Variants in MFSD6 observed in about 807,000 individuals in gnomAD.
The protein encoded by MFSD6 is major facilitator superfamily domain containing 6.
Under a neutral mutation model 56.3 loss-of-function variants are expected in MFSD6, and 26 were observed. The ratio of observed to expected loss-of-function variants is 0.46; its 90% CI spans 0.34 to 0.64. The LOEUF (loss-of-function observed/expected upper bound fraction) is 0.64, where lower values mean the gene tolerates loss of function less well. MFSD6 is among the 30% of genes least tolerant of loss of function. The probability of loss-of-function intolerance (pLI) is 0.01; values close to 1 mark genes in which losing one functional copy is unlikely to be tolerated. For synonymous variants in MFSD6, 331 were observed against 366.9 expected, an observed-to-expected ratio of 0.90 and a Z score of 1.12; for missense variants, 750 against 986.2, an observed-to-expected ratio of 0.76 and a Z score of 3.21.
At chr2:190,475,291 G>A (rs1214010453) in intron 4 of MFSD6, among the ~76,000 whole-genome samples, 1 of 152,208 alleles carries the variant, frequency 6.6e-6, no homozygotes, top group African/African-American at 2.4e-5. Context: ...GTTTGCAGAT[G>A]ACATGATTGT....
chr2:190,501,053 T>C lies in MFSD6; in HGVS notation c.*835T>C, dbSNP rs1574278528. 6.6e-6 allele frequency: 1 copy of C among 152,354 alleles called. No individual in the cohort carries two copies. Among genetic ancestry groups the C allele is most frequent in the East Asian group, 1.9e-4 (1 of 5,188 alleles). The allele number at this position is 152,354 out of a possible 1,614,324, so 9.4% of individuals were successfully genotyped here. Reference sequence around the variant, plus strand: ...TGATACTGTAAATAGCCTCTCTCGCTATTTACTATCTTATAGTAATTCAGG... The same window carrying C: ...TGATACTGTAAATAGCCTCTCTCGCCATTTACTATCTTATAGTAATTCAGG... On this transcript the variant is annotated 3_prime_UTR_variant, in exon 8 of 8. Coordinates refer to ENST00000392328, the MANE Select transcript of MFSD6 (RefSeq NM_017694.4).
At chr2:190,449,981 T>A (rs993274303) in intron 3 of MFSD6, among the ~76,000 whole-genome samples, 3 of 152,010 alleles carry the variant, frequency 2.0e-5, no homozygotes, top group African/African-American at 7.3e-5. Context: ...AACCTGCACA[T>A]TGTGCACGTG....
rs1209490232 is a variant in MFSD6 at position 190,495,596 on chromosome 2, T to C, written c.1892-1843T>C. Among the ~76,000 whole-genome samples the C allele has an allele frequency of 6.6e-6, 1 of 152,124 alleles. No individual in the cohort carries two copies. The highest frequency in any genetic ancestry group is 2.4e-5 in the African/African-American group (1 of 41,438). On this transcript the variant is annotated intron_variant, in intron 6 of 7. Transcript: ENST00000392328. The surrounding 1 kb of genome is among the most constrained non-coding windows in gnomAD (Gnocchi z 4.7). ...GGCATCACACTACCTGATTTCAAAC[T>C]ATACTATAAGGCCATAGTCACCAAA...
rs1232909228 is a variant in MFSD6, at chr2:190,439,450, T to C, written c.1532+1889T>C. ...TTGTTGCATGTGTATAGATAGGTTC[T>C]ATTTTCAAAGGAATTGTTAGGTTAT... On this transcript the variant is annotated intron_variant, in intron 3 of 7. Transcript: ENST00000392328. The surrounding 1 kb of genome is among the most constrained non-coding windows in gnomAD (Gnocchi z 5.8). Among the ~76,000 whole-genome samples the C allele has an allele frequency of 6.6e-6, 1 of 152,210 alleles. No individual in the cohort carries two copies. The highest frequency in any genetic ancestry group is 2.4e-5 in the African/African-American group (1 of 41,456).
chr2:190,472,981 A>G (rs1157592699), intron 4 of MFSD6, among the ~76,000 whole-genome samples: 1 of 152,236 alleles, frequency 6.6e-6, no homozygotes, highest in African/African-American at 2.4e-5. Flanking sequence ...ATATCCAGCC[A>G]AACTAAGCTT....
intron 2 of MFSD6, among the ~76,000 whole-genome samples, chr2:190,419,778 A>G (rs896266620): frequency 1.4e-4 from 21 of 152,250 alleles, no homozygotes; most frequent in African/African-American, 4.1e-4. Context: ...CCTCTCATCA[A>G]TAATTCAGAA....
chr2:190,468,362 A>G (rs578054207), intron 3 of MFSD6, among the ~76,000 whole-genome samples: 4 of 151,326 alleles, frequency 2.6e-5, no homozygotes, highest in East Asian at 3.9e-4. Flanking sequence ...TTTCTTTTCC[A>G]TATGTGAGAT....
chr2:190,412,557 T>G lies in MFSD6; in HGVS notation c.-175-2735T>G, dbSNP rs1229178722. On this transcript the variant is annotated intron_variant, in intron 1 of 7. Coordinates refer to ENST00000392328, the MANE Select transcript of MFSD6 (RefSeq NM_017694.4). This position sits in a 1 kb window ranked among gnomAD's most constrained non-coding sequence, Gnocchi z 4.1. ...CCTTGGGCATAGCATTTTTGATTCC[T>G]GGGAAAAGCAAACAAACACATCTGA... 6 of 985,306 alleles carry G rather than the reference T, an allele frequency of 6.1e-6. No individual in the cohort carries two copies. The African/African-American group carries it at 1.0e-4, about 17-fold the overall frequency. The allele number at this position is 985,306 out of a possible 1,614,324, so 61.0% of individuals were successfully genotyped here. A position where few individuals can be genotyped will look rare whatever the true frequency, so the allele number is the denominator to read the frequency against.
In MFSD6 at chr2:190,436,280, C is replaced by G. The variant is rs1686174173; in HGVS notation, c.251C>G (p.Ser84Cys). ...FYFFFYSAYG[S>C]LYPLLPVYYK... ...TTTTTCTTTTACTCTGCCTATGGCT[C>G]TCTCTATCCCCTTTTGCCTGTGTAT... is the stretch of plus-strand genomic sequence containing the variant. Residue 84 changes from serine to cysteine, a missense_variant, in exon 3 of 8, where the codon TCT (serine) becomes TGT (cysteine). By Grantham distance (112) the Ser-to-Cys change is moderately radical. This residue lies in a region of MFSD6 where 76 missense variants were observed against 101.9 expected (regional missense o/e 0.75). Transcript: ENST00000392328. The surrounding 1 kb of genome is among the most constrained non-coding windows in gnomAD (Gnocchi z 5.3). The G allele has an allele frequency of 1.2e-6, 2 of 1,613,904 alleles. No homozygotes were observed. Among genetic ancestry groups the G allele is most frequent in the Non-Finnish European group, 1.7e-6 (2 of 1,179,902 alleles).
chr2:190,440,659 T>C (rs796315507), intron 3 of MFSD6, among the ~76,000 whole-genome samples: 3 of 152,364 alleles, frequency 2.0e-5, no homozygotes, highest in African/African-American at 7.2e-5. Context: ...GATTTAAATT[T>C]ATTTACATTT....
In MFSD6 at chr2:190,491,419, G is replaced by A. The variant is rs1689345922; in HGVS notation, c.1891+1553G>A. On this transcript the variant is annotated intron_variant, in intron 6 of 7. Coordinates refer to ENST00000392328, the MANE Select transcript of MFSD6 (RefSeq NM_017694.4). The surrounding 1 kb of genome is among the most constrained non-coding windows in gnomAD (Gnocchi z 4.2). Reference sequence around the variant, plus strand: ...GAAGCATATTGCTCCTGGAGGACCTGAGAGACAGGCCAAATATTGGGCTGG... The same window carrying A: ...GAAGCATATTGCTCCTGGAGGACCTAAGAGACAGGCCAAATATTGGGCTGG... Among the ~76,000 whole-genome samples, 2 of 152,196 alleles carry A rather than the reference G, an allele frequency of 1.3e-5. No homozygotes were observed. Among genetic ancestry groups the A allele is most frequent in the Non-Finnish European group, 2.9e-5 (2 of 68,032 alleles).
Position 190,499,697 on chromosome 2 carries a change from G to A in MFSD6, c.2173-318G>A. The A allele has an allele frequency of 2.0e-6, 2 of 976,966 alleles. No individual in the cohort carries two copies. The highest frequency in any genetic ancestry group is 2.8e-6 in the Non-Finnish European group (2 of 710,064). 60.5% of individuals were successfully genotyped at this position (976,966 alleles called of 1,614,324 possible). A position where few individuals can be genotyped will look rare whatever the true frequency, so the allele number is the denominator to read the frequency against. On this transcript the variant is annotated intron_variant, in intron 7 of 7. Transcript: ENST00000392328. The surrounding 1 kb of genome is among the most constrained non-coding windows in gnomAD (Gnocchi z 6.0). ...GTGCTTGCCCAGCGACTTGCCACAT[G>A]GCTTGGGGGGCTCAGTAAATATTTG...
At position 190,439,465 on chromosome 2, in the gene MFSD6, TGTTAG is replaced by T. The variant is rs1686295898; in HGVS notation, c.1532+1909_1532+1913del. On this transcript the variant is annotated intron_variant, in intron 3 of 7. Coordinates refer to ENST00000392328, the MANE Select transcript of MFSD6 (RefSeq NM_017694.4). This position sits in a 1 kb window ranked among gnomAD's most constrained non-coding sequence, Gnocchi z 5.8. The stretch of plus-strand genomic sequence containing the variant: ...AGATAGGTTCTATTTTCAAAGGAAT[TGTTAG>T]GTTATTTCCACATGCTAAGAAAAGA... Among the ~76,000 whole-genome samples the T allele has an allele frequency of 6.6e-6, 1 of 152,142 alleles. No individual in the cohort carries two copies. The highest frequency in any genetic ancestry group is 1.5e-5 in the Non-Finnish European group (1 of 68,020).
At chr2:190,411,874 G>T (rs2124978522) in intron 1 of MFSD6, 1 of 985,374 alleles carries the variant, frequency 1.0e-6, no homozygotes, top group East Asian at 1.1e-4. Flanking sequence ...GATTAGGGGT[G>T]ATAAGAATTT....
chr2:190,438,469 T>G lies in MFSD6; in HGVS notation c.1532+908T>G, dbSNP rs1242248197. Among the ~76,000 whole-genome samples, 1 of 152,160 alleles carries G rather than the reference T, an allele frequency of 6.6e-6. No individual in the cohort carries two copies. The highest frequency in any genetic ancestry group is 2.4e-5 in the African/African-American group (1 of 41,434). Reference sequence around the variant, plus strand: ...AGGCAGAGGTTGCAGTGAGTCAAGATCACACCACTGCACACCAGCCTGGGC... The same window carrying G: ...AGGCAGAGGTTGCAGTGAGTCAAGAGCACACCACTGCACACCAGCCTGGGC... On this transcript the variant is annotated intron_variant, in intron 3 of 7. Transcript: ENST00000392328. This position sits in a 1 kb window ranked among gnomAD's most constrained non-coding sequence, Gnocchi z 5.2.
intron 2 of MFSD6, chr2:190,435,366 C>T (rs1559109579): frequency 2.0e-5 from 3 of 152,236 alleles, no homozygotes. Flanking sequence ...TTTTCTTAAA[C>T]TGCTATCTAT....
chr2:190,499,126 C>T lies in MFSD6; in HGVS notation c.2173-889C>T, dbSNP rs1689881188. Among the ~76,000 whole-genome samples the T allele has an allele frequency of 6.6e-6, 1 of 151,968 alleles. No homozygotes were observed. Reference sequence around the variant, plus strand: ...TCACGCCACTGCACTCCGGCCTAGGCGACAGAGTGAGACTCCGTCTCAAAA... The same window carrying T: ...TCACGCCACTGCACTCCGGCCTAGGTGACAGAGTGAGACTCCGTCTCAAAA... On this transcript the variant is annotated intron_variant, in intron 7 of 7. Transcript: ENST00000392328. The surrounding 1 kb of genome is among the most constrained non-coding windows in gnomAD (Gnocchi z 6.0).
intron 3 of MFSD6, among the ~76,000 whole-genome samples, chr2:190,449,360 G>T (rs1215414324): frequency 1.3e-5 from 2 of 152,130 alleles, no homozygotes; most frequent in Non-Finnish European, 2.9e-5. Context: ...TGTAGTCCCA[G>T]CTACTTGGGA....
chr2:190,408,922 C>T (rs1559097786), intron 1 of MFSD6, among the ~76,000 whole-genome samples: 1 of 152,144 alleles, frequency 6.6e-6, no homozygotes, highest in Non-Finnish European at 1.5e-5. Flanking sequence ...GGTCCTCCTC[C>T]GCCCGGGCCG....
Sources: allele counts gnomAD v4.1 joint callset (sites outside exome capture counted in the v4.1 genomes callset), GRCh38; gene constraint gnomAD v4.1.1; regional missense constraint gnomAD v4.1.1; non-coding constraint Gnocchi (gnomAD v3.1); transcripts MANE v1.5; gene names NCBI Gene and HGNC (gene_info 2026-07-23, HGNC 2026-07-21).